Variants in GLP2R observed in about 807,000 individuals in gnomAD.
GLP2R encodes the protein glucagon like peptide 2 receptor.
In GLP2R, 59 loss-of-function variants were observed where a neutral mutation model predicts 68.2. The observed-to-expected ratio is 0.87, with a 90% CI of 0.70 to 1.07. The LOEUF (loss-of-function observed/expected upper bound fraction) is 1.07, where lower values mean the gene tolerates loss of function less well. Ranked by LOEUF, GLP2R falls within the 50% of genes least tolerant of loss-of-function variation. The probability of loss-of-function intolerance (pLI) is 0.00; values close to 1 mark genes in which losing one functional copy is unlikely to be tolerated. For missense variants in GLP2R, 548 were observed against 677.4 expected (o/e 0.81, Z 2.12); for synonymous variants, 270 against 265.4 (o/e 1.02, Z -0.17).
chr17:9,889,936 G>A lies in GLP2R; in HGVS notation c.*231G>A. The A allele has an allele frequency of 3.3e-6, 2 of 607,250 alleles. No homozygotes were observed. Among genetic ancestry groups the A allele is most frequent in the Non-Finnish European group, 3.1e-6 (1 of 324,636 alleles). 37.6% of individuals were successfully genotyped at this position (607,250 alleles called of 1,614,324 possible). Reference sequence around the variant, plus strand: ...TCATCCTAATAACCCCCACCAGTGTGTTTTCCACAATGCCCACCAGACCCT... The same window carrying A: ...TCATCCTAATAACCCCCACCAGTGTATTTTCCACAATGCCCACCAGACCCT... On this transcript the variant is annotated 3_prime_UTR_variant, in exon 13 of 13. Transcript: ENST00000262441.
At chr17:9,826,913 C>T (rs2066637552) in intron 1 of GLP2R, among the ~76,000 whole-genome samples, 1 of 152,054 alleles carries the variant, frequency 6.6e-6, no homozygotes, top group South Asian at 2.1e-4. Context: ...GCTCTGTCGC[C>T]CAGGCTGAAG....
At chr17:9,851,753 A>T (rs1733060401) in intron 4 of GLP2R, among the ~76,000 whole-genome samples, 1 of 152,218 alleles carries the variant, frequency 6.6e-6, no homozygotes, top group Non-Finnish European at 1.5e-5. Context: ...GAACACTAGA[A>T]ATAGTACATA....
At chr17:9,876,003 A>G (rs2067139386) in intron 10 of GLP2R, among the ~76,000 whole-genome samples, 1 of 152,056 alleles carries the variant, frequency 6.6e-6, no homozygotes, top group Non-Finnish European at 1.5e-5. Flanking sequence ...CCAGCCTCTG[A>G]AGTAGTTGGG....
At chr17:9,834,985 C>G (rs2152030689) in intron 2 of GLP2R, among the ~76,000 whole-genome samples, 1 of 151,586 alleles carries the variant, frequency 6.6e-6, no homozygotes, top group African/African-American at 2.4e-5. Flanking sequence ...CATAACCTAG[C>G]ACCATGGTGT....
At chr17:9,871,698 C>T (rs1287978252) in intron 10 of GLP2R, among the ~76,000 whole-genome samples, 3 of 148,858 alleles carry the variant, frequency 2.0e-5, no homozygotes, top group Non-Finnish European at 4.4e-5. Context: ...TCCCTCTTTT[C>T]CTAGTTATTC....
At chr17:9,858,324 T>C (rs2066953140) in intron 6 of GLP2R, among the ~76,000 whole-genome samples, 1 of 152,264 alleles carries the variant, frequency 6.6e-6, no homozygotes, top group African/African-American at 2.4e-5. Flanking sequence ...TAACCTTGCA[T>C]TCCTGGAATA....
chr17:9,849,947 T>C (rs2066877004), intron 4 of GLP2R, among the ~76,000 whole-genome samples: 1 of 152,156 alleles, frequency 6.6e-6, no homozygotes, highest in South Asian at 2.1e-4. Flanking sequence ...ACTGCCACAG[T>C]GAATAATCTC....
intron 10 of GLP2R, among the ~76,000 whole-genome samples, chr17:9,871,260 G>A (rs1393016209): frequency 2.0e-5 from 3 of 151,744 alleles, no homozygotes. Context: ...AGGCTAAGGT[G>A]AGGGGCTTGC....
intron 1 of GLP2R, among the ~76,000 whole-genome samples, chr17:9,827,965 A>C (rs1382610120): frequency 6.6e-6 from 1 of 151,238 alleles, no homozygotes; most frequent in Admixed American, 6.6e-5. Context: ...TGTCTCAAAA[A>C]AAAAAAAAAA....
intron 9 of GLP2R, among the ~76,000 whole-genome samples, chr17:9,862,896 C>T (rs2066999691): frequency 6.6e-6 from 1 of 152,118 alleles, no homozygotes; most frequent in Admixed American, 6.6e-5. Context: ...AATAATCTGG[C>T]ATTTGTGGTA....
chr17:9,863,014 T>C (rs1427320719), intron 9 of GLP2R, among the ~76,000 whole-genome samples: 1 of 152,178 alleles, frequency 6.6e-6, no homozygotes, highest in Non-Finnish European at 1.5e-5. Context: ...AAAATGGTCC[T>C]AGAAGTGGTG....
At position 9,890,115 on chromosome 17, in the gene GLP2R, CT is replaced by C; in HGVS notation, c.*414del. ...GGGTGCGTGAAAACCTCCTAGGAAG[CT>C]TTTAAAATGCAGAATCCTAGACTTG... On this transcript the variant is annotated 3_prime_UTR_variant, in exon 13 of 13. Transcript: ENST00000262441. The C allele has an allele frequency of 2.2e-6, 1 of 453,700 alleles. No homozygotes were observed. 28.1% of individuals were successfully genotyped at this position (453,700 alleles called of 1,614,324 possible).
Position 9,839,172 on chromosome 17 carries a change from A to G in GLP2R, c.382+2697A>G, listed in dbSNP as rs73974309. Among the ~76,000 whole-genome samples, 907 of 152,290 alleles carry G rather than the reference A, an allele frequency of 6.0e-3. 13 individuals are homozygous for G. Among genetic ancestry groups the G allele is most frequent in the African/African-American group, 0.02 (834 of 41,578 alleles). On this transcript the variant is annotated intron_variant, in intron 3 of 12. Coordinates refer to ENST00000262441, the MANE Select transcript of GLP2R (RefSeq NM_004246.3). ...AGAATGACATTGAGAGCATGCAGCT[A>G]TTGGACACAGGAATGGAGGAACCAA...
At chr17:9,835,380 T>C (rs369090247) in intron 2 of GLP2R, among the ~76,000 whole-genome samples, 3 of 152,252 alleles carry the variant, frequency 2.0e-5, no homozygotes, top group African/African-American at 2.4e-5. Context: ...TCTGAAATAC[T>C]TCCATTTGAT....
Position 9,857,417 on chromosome 17 carries a change from G to C in GLP2R, c.612-6G>C. ...AGGGAAGGCATTTGGTTTTCTCCTCGCACAGAAAACTCCACTGCACGCGCA... is the reference window on the plus strand; with the variant it reads ...AGGGAAGGCATTTGGTTTTCTCCTCCCACAGAAAACTCCACTGCACGCGCA... On this transcript the variant is annotated splice_polypyrimidine_tract_variant and splice_region_variant and intron_variant, in intron 5 of 12. Transcript: ENST00000262441. 2 of 1,613,944 alleles carry C rather than the reference G, an allele frequency of 1.2e-6. No homozygotes were observed. Among genetic ancestry groups the C allele is most frequent in the Non-Finnish European group, 1.7e-6 (2 of 1,179,900 alleles).
intron 9 of GLP2R, among the ~76,000 whole-genome samples, chr17:9,868,602 G>T (rs7218460): frequency 6.6e-6 from 1 of 152,116 alleles, no homozygotes; most frequent in East Asian, 1.9e-4. Context: ...CCATCCAAAA[G>T]TACCTGCTGA....
chr17:9,836,491 T>G lies in GLP2R; in HGVS notation c.382+16T>G, dbSNP rs756826395. 4 of 1,487,952 alleles carry G rather than the reference T, an allele frequency of 2.7e-6. No homozygotes were observed. The highest frequency in any genetic ancestry group is 2.8e-6 in the Non-Finnish European group (3 of 1,065,060). The allele number at this position is 1,487,952 out of a possible 1,614,324, so 92.2% of individuals were successfully genotyped here. A position where few individuals can be genotyped will look rare whatever the true frequency, so the allele number is the denominator to read the frequency against. On this transcript the variant is annotated intron_variant, in intron 3 of 12. Coordinates refer to ENST00000262441, the MANE Select transcript of GLP2R (RefSeq NM_004246.3). ...TGGAGTGAAGGTAATAAGTCTTATT[T>G]TTACCAATTTTCCCCAACCAAGTGC...
intron 11 of GLP2R, among the ~76,000 whole-genome samples, chr17:9,885,581 G>A (rs746626058): frequency 6.6e-6 from 1 of 151,892 alleles, no homozygotes; most frequent in Non-Finnish European, 1.5e-5. Context: ...CCTCCATGTG[G>A]CCTCTCCATG....
intron 1 of GLP2R, among the ~76,000 whole-genome samples, chr17:9,829,418 A>T (rs2066660940): frequency 1.3e-5 from 2 of 152,128 alleles, no homozygotes; most frequent in South Asian, 4.1e-4. Flanking sequence ...AATTCAAAGA[A>T]TTTCTAAGAA....
Sources: allele counts gnomAD v4.1 joint callset (sites outside exome capture counted in the v4.1 genomes callset), GRCh38; gene constraint gnomAD v4.1.1; transcripts MANE v1.5; gene names NCBI Gene and HGNC (gene_info 2026-07-23, HGNC 2026-07-21).